The following HS3ST5 variants were observed in gnomAD, a reference collection of about 807,000 sequenced individuals.
HS3ST5 encodes heparan sulfate glucosamine 3-O-sulfotransferase 5.
HS3ST5 carries 10 observed loss-of-function variants against 25.4 expected under a neutral mutation model. The observed-to-expected ratio is 0.39, with a 90% confidence interval of 0.24 to 0.67. The LOEUF (loss-of-function observed/expected upper bound fraction) is 0.67. Ranked by LOEUF, HS3ST5 falls within the 30% of genes least tolerant of loss-of-function variation. HS3ST5 has a pLI of 0.44. For synonymous variants in HS3ST5, 170 were observed against 162.4 expected, an observed-to-expected ratio of 1.05 and a Z score of -0.36; for missense variants, 324 against 420.7, an observed-to-expected ratio of 0.77 and a Z score of 2.01.
At position 114,057,271 on chromosome 6, in the gene HS3ST5, A is replaced by G. The variant is rs374062766; in HGVS notation, c.1027T>C (p.Leu343=). 5 of 1,611,746 alleles carry G rather than the reference A, an allele frequency of 3.1e-6. No homozygotes were observed. Among genetic ancestry groups the G allele is most frequent in the Admixed American group, 1.7e-5 (1 of 59,882 alleles). Reference sequence around the variant, plus strand: ...GACATATTATTTTAGGGCCAGTTCAATGTCCTCCCAGTGATCTGGTAAAAT... The same window carrying G: ...GACATATTATTTTAGGGCCAGTTCAGTGTCCTCCCAGTGATCTGGTAAAAT... ...QKFYQITGRT[L]NWP The change falls in exon 5 of 5, where the codon TTG becomes CTG. Residue 343 remains leucine, a synonymous_variant. Coordinates refer to ENST00000312719, the MANE Select transcript of HS3ST5 (RefSeq NM_153612.4).
intron 1 of HS3ST5, among the ~76,000 whole-genome samples, chr6:114,231,890 G>C (rs1771611481): frequency 6.6e-6 from 1 of 151,912 alleles, no homozygotes; most frequent in East Asian, 1.9e-4. Flanking sequence ...GAACAACAAG[G>C]AAACAGAGCT....
At chr6:114,160,243 C>T (rs1455661109) in intron 3 of HS3ST5, among the ~76,000 whole-genome samples, 2 of 151,906 alleles carry the variant, frequency 1.3e-5, no homozygotes, top group African/African-American at 4.8e-5. Flanking sequence ...TTGTTGACAC[C>T]ATGATTATTT....
intron 1 of HS3ST5, among the ~76,000 whole-genome samples, chr6:114,280,484 G>A (rs1774059069): frequency 6.6e-6 from 1 of 152,014 alleles, no homozygotes; most frequent in Admixed American, 6.6e-5. Flanking sequence ...CTGGGAAAGA[G>A]AATCTGGGCC....
chr6:114,243,680 C>T (rs1772245692), intron 1 of HS3ST5, among the ~76,000 whole-genome samples: 1 of 152,188 alleles, frequency 6.6e-6, no homozygotes, highest in African/African-American at 2.4e-5. Flanking sequence ...TTCTTTACCT[C>T]TTCCAGTATC....
At chr6:114,208,041 A>T (rs528138861) in intron 2 of HS3ST5, among the ~76,000 whole-genome samples, 2 of 152,318 alleles carry the variant, frequency 1.3e-5, no homozygotes, top group African/African-American at 4.8e-5. Context: ...AGGGATCACT[A>T]AATACTTCAC....
intron 2 of HS3ST5, among the ~76,000 whole-genome samples, chr6:114,188,493 G>A (rs1780340291): frequency 6.6e-6 from 1 of 152,136 alleles, no homozygotes; most frequent in Non-Finnish European, 1.5e-5. Context: ...ATCTTAAAGA[G>A]ACAGAGCTAC....
At chr6:114,325,898 G>C (rs989697226) in intron 1 of HS3ST5, among the ~76,000 whole-genome samples, 2 of 152,032 alleles carry the variant, frequency 1.3e-5, no homozygotes, top group African/African-American at 2.4e-5. Flanking sequence ...AGTATTTATT[G>C]AGCACTTACT....
chr6:114,069,293 GTGTTCATA>G (rs1030504430), intron 3 of HS3ST5, among the ~76,000 whole-genome samples: 7 of 151,340 alleles, frequency 4.6e-5, no homozygotes, highest in South Asian at 2.1e-4. Flanking sequence ...ACTAGGCTCT[GTGTTCATA>G]TGTTCATATG....
At chr6:114,270,782 T>C (rs1384893266) in intron 1 of HS3ST5, among the ~76,000 whole-genome samples, 1 of 152,130 alleles carries the variant, frequency 6.6e-6, no homozygotes, top group Non-Finnish European at 1.5e-5. Flanking sequence ...TATCACTGAA[T>C]ATGAATTCAG....
intron 2 of HS3ST5, among the ~76,000 whole-genome samples, chr6:114,184,045 T>C (rs1780087767): frequency 6.8e-6 from 1 of 146,818 alleles, no homozygotes; most frequent in Non-Finnish European, 1.5e-5. Flanking sequence ...TTTCTTTTCT[T>C]TTTCCTTTCT....
At chr6:114,304,934 T>C (rs1435070875) in intron 1 of HS3ST5, among the ~76,000 whole-genome samples, 1 of 152,150 alleles carries the variant, frequency 6.6e-6, no homozygotes, top group Non-Finnish European at 1.5e-5. Context: ...AAAGGAGTAA[T>C]TGAATAGCTT....
chr6:114,329,872 T>A (rs776421704), intron 1 of HS3ST5, among the ~76,000 whole-genome samples: 2 of 152,194 alleles, frequency 1.3e-5, no homozygotes, highest in African/African-American at 4.8e-5. Context: ...ATTATTTAAA[T>A]AGAATTAGTA....
intron 2 of HS3ST5, among the ~76,000 whole-genome samples, chr6:114,171,258 G>A (rs1334643762): frequency 6.6e-6 from 1 of 152,188 alleles, no homozygotes; most frequent in Non-Finnish European, 1.5e-5. Flanking sequence ...CAATCAGTGT[G>A]ATAAAATTTC....
At chr6:114,150,322 A>G (rs949826400) in intron 3 of HS3ST5, among the ~76,000 whole-genome samples, 1 of 152,174 alleles carries the variant, frequency 6.6e-6, no homozygotes, top group African/African-American at 2.4e-5. Context: ...AACACCATTG[A>G]GCTCTATTAA....
At chr6:114,330,474 T>A (rs1217950501) in intron 1 of HS3ST5, among the ~76,000 whole-genome samples, 2 of 152,156 alleles carry the variant, frequency 1.3e-5, no homozygotes, top group Non-Finnish European at 2.9e-5. Context: ...TCCAGCTAGA[T>A]GAAGTGAGTG....
chr6:114,317,539 T>A lies in HS3ST5; in HGVS notation c.-339+24656A>T, dbSNP rs182115052. Among the ~76,000 whole-genome samples the A allele has an allele frequency of 2.0e-3, 301 of 152,326 alleles. 2 individuals carry two copies. The highest frequency in any genetic ancestry group is 3.2e-3 in the Non-Finnish European group (218 of 68,026). On this transcript the variant is annotated intron_variant, in intron 1 of 4. Transcript: ENST00000312719. Reference sequence around the variant, plus strand: ...CTATGGATATAATATTTAAATAGTATATTGTAATTTTTTTATTCTTTGACA... The same window carrying A: ...CTATGGATATAATATTTAAATAGTAAATTGTAATTTTTTTATTCTTTGACA...
intron 1 of HS3ST5, among the ~76,000 whole-genome samples, chr6:114,266,566 A>C (rs541788517): frequency 6.6e-6 from 1 of 152,254 alleles, no homozygotes; most frequent in South Asian, 2.1e-4. Flanking sequence ...GTGTGGGTTT[A>C]TTTTTCAAAA....
intron 1 of HS3ST5, among the ~76,000 whole-genome samples, chr6:114,309,531 G>A (rs377459311): frequency 6.6e-6 from 1 of 152,138 alleles, no homozygotes; most frequent in Non-Finnish European, 1.5e-5. Flanking sequence ...TCAGGAGTTC[G>A]AAACCAGCAT....
intron 3 of HS3ST5, among the ~76,000 whole-genome samples, chr6:114,095,290 G>T (rs982506274): frequency 6.6e-6 from 1 of 152,112 alleles, no homozygotes; most frequent in Non-Finnish European, 1.5e-5. Context: ...CCTTCTTCCT[G>T]TCCCTTATGC....
Sources: gnomAD v4.1 joint callset for allele counts (sites outside exome capture counted in the v4.1 genomes callset) on GRCh38, gnomAD v4.1.1 for gene constraint, MANE v1.5 for transcripts, NCBI Gene and HGNC (gene_info 2026-07-23, HGNC 2026-07-21) for gene names.